Variants in SMYD3 observed in about 807,000 individuals in gnomAD.
SMYD3 encodes the protein histone-lysine N-methyltransferase SMYD3.
SMYD3 carries 36 observed loss-of-function variants against 57.7 expected under a neutral mutation model. The ratio of observed to expected loss-of-function variants is 0.62; its 90% CI spans 0.48 to 0.82. The LOEUF (loss-of-function observed/expected upper bound fraction) is 0.82, where lower values mean the gene tolerates loss of function less well. Among genes scored for constraint, SMYD3 ranks in the 40% least tolerant of loss-of-function variants. The probability of loss-of-function intolerance (pLI) is 0.00; values close to 1 mark genes in which losing one functional copy is unlikely to be tolerated. For synonymous variants in SMYD3, 211 were observed against 195.0 expected (o/e 1.08, Z -0.68); for missense variants, 515 against 538.8 (o/e 0.96, Z 0.44).
intron 5 of SMYD3, among the ~76,000 whole-genome samples, chr1:246,093,266 G>A (rs1428330944): frequency 1.3e-5 from 2 of 152,140 alleles, no homozygotes; most frequent in East Asian, 3.8e-4. Flanking sequence ...TCACAGGTGG[G>A]TATGTATCCA....
At chr1:246,300,894 T>G (rs1226798440) in intron 5 of SMYD3, among the ~76,000 whole-genome samples, 1 of 152,194 alleles carries the variant, frequency 6.6e-6, no homozygotes, top group African/African-American at 2.4e-5. Flanking sequence ...AAGTCTGGAT[T>G]TTATTGCAAG....
At chr1:246,041,871 T>C (rs535921856) in intron 5 of SMYD3, among the ~76,000 whole-genome samples, 67 of 152,236 alleles carry the variant, frequency 4.4e-4, no homozygotes, top group Non-Finnish European at 5.6e-4. Flanking sequence ...TTTGTATTCC[T>C]AGATGAAACT....
chr1:245,768,256 G>A (rs1044160834), intron 10 of SMYD3, among the ~76,000 whole-genome samples: 2 of 152,162 alleles, frequency 1.3e-5, no homozygotes, highest in Non-Finnish European at 2.9e-5. Context: ...GTGAATAAGT[G>A]CATAAGAAGA....
intron 10 of SMYD3, among the ~76,000 whole-genome samples, chr1:245,824,793 T>C (rs972389874): frequency 6.8e-6 from 1 of 147,786 alleles, no homozygotes; most frequent in Non-Finnish European, 1.5e-5. Flanking sequence ...GAGATGGAGG[T>C]TGCAGTGGGC....
intron 10 of SMYD3, among the ~76,000 whole-genome samples, chr1:245,769,381 A>C (rs1280804217): frequency 2.0e-5 from 3 of 152,210 alleles, no homozygotes; most frequent in South Asian, 2.1e-4. Context: ...GAATCTAACC[A>C]AGGCTGCAAA....
At chr1:246,377,473 GA>G (rs2066299194) in intron 1 of SMYD3, among the ~76,000 whole-genome samples, 2 of 151,198 alleles carry the variant, frequency 1.3e-5, no homozygotes, top group Admixed American at 6.6e-5. Flanking sequence ...GGGTTCAAGC[GA>G]TTCTCCTGCC....
At chr1:246,126,620 C>T (rs2061513610) in intron 5 of SMYD3, among the ~76,000 whole-genome samples, 2 of 152,218 alleles carry the variant, frequency 1.3e-5, no homozygotes, top group Admixed American at 1.3e-4. Flanking sequence ...AATCTACATA[C>T]ACAGATGTTA....
chr1:246,099,243 T>G (rs1239106737), intron 5 of SMYD3, among the ~76,000 whole-genome samples: 1 of 152,202 alleles, frequency 6.6e-6, no homozygotes, highest in African/African-American at 2.4e-5. Context: ...CGGCTGTGAA[T>G]AAACAGTTCT....
intron 5 of SMYD3, among the ~76,000 whole-genome samples, chr1:246,002,211 G>T (rs1298168508): frequency 1.3e-5 from 2 of 151,210 alleles, no homozygotes; most frequent in Non-Finnish European, 3.0e-5. Context: ...TTTAAATGGA[G>T]TCTCGCTCCG....
intron 1 of SMYD3, among the ~76,000 whole-genome samples, chr1:246,383,402 C>T (rs1041058130): frequency 6.6e-6 from 1 of 152,198 alleles, no homozygotes; most frequent in African/African-American, 2.4e-5. Flanking sequence ...ATTTGAGAGA[C>T]TGACTCCACC....
At chr1:246,112,178 G>A (rs1319992794) in intron 5 of SMYD3, among the ~76,000 whole-genome samples, 1 of 152,162 alleles carries the variant, frequency 6.6e-6, no homozygotes, top group Non-Finnish European at 1.5e-5. Context: ...AAAAGAGGAA[G>A]GCTGTATTGC....
chr1:246,391,296 C>A (rs2066560983), intron 1 of SMYD3, among the ~76,000 whole-genome samples: 1 of 150,684 alleles, frequency 6.6e-6, no homozygotes, highest in African/African-American at 2.4e-5. Context: ...AGGAGAACTG[C>A]TTGAGCCCAG....
chr1:245,762,506 G>C (rs1398492175), intron 11 of SMYD3, among the ~76,000 whole-genome samples: 1 of 152,170 alleles, frequency 6.6e-6, no homozygotes, highest in African/African-American at 2.4e-5. Context: ...TGGCTGACAA[G>C]TACCCCCAGA....
intron 5 of SMYD3, among the ~76,000 whole-genome samples, chr1:245,934,376 G>C (rs1208222744): frequency 6.6e-6 from 1 of 152,046 alleles, no homozygotes; most frequent in Non-Finnish European, 1.5e-5. Context: ...AGCACAATAA[G>C]AATTTTAATC....
At chr1:246,462,838 G>C (rs1313865017) in intron 1 of SMYD3, among the ~76,000 whole-genome samples, 3 of 151,990 alleles carry the variant, frequency 2.0e-5, no homozygotes, top group African/African-American at 7.3e-5. Context: ...CAATTTGCTG[G>C]TAAACAAAGC....
At position 246,249,395 on chromosome 1, in the gene SMYD3, T is replaced by A. The variant is rs549628492; in HGVS notation, c.531+77806A>T. ...CTGGGATTACAGGCATGAGCCACCG[T>A]ACCTGGCCTGATTATTGATACTCCA... On this transcript the variant is annotated intron_variant, in intron 5 of 11. Transcript: ENST00000490107. Among the ~76,000 whole-genome samples the A allele has an allele frequency of 5.9e-5, 9 of 152,280 alleles. 1 individual carries two copies. Among genetic ancestry groups the A allele is most frequent in the African/African-American group, 1.7e-4 (7 of 41,574 alleles).
chr1:245,927,587 A>G (rs1449872321), intron 7 of SMYD3, among the ~76,000 whole-genome samples: 1 of 152,112 alleles, frequency 6.6e-6, no homozygotes, highest in Non-Finnish European at 1.5e-5. Context: ...AGGATATGAG[A>G]GGCTGCTCAG....
intron 5 of SMYD3, among the ~76,000 whole-genome samples, chr1:246,178,613 A>G (rs930946088): frequency 6.6e-6 from 1 of 152,180 alleles, no homozygotes; most frequent in African/African-American, 2.4e-5. Context: ...AAACAGGCAC[A>G]CCCACTCCAT....
At chr1:245,755,696 T>C (rs1490151360) in intron 11 of SMYD3, among the ~76,000 whole-genome samples, 1 of 152,208 alleles carries the variant, frequency 6.6e-6, no homozygotes, top group Non-Finnish European at 1.5e-5. Flanking sequence ...TTAATATTGA[T>C]ATAGCTACTC....
Sources: gnomAD v4.1 joint callset for allele counts (sites outside exome capture counted in the v4.1 genomes callset) on GRCh38, gnomAD v4.1.1 for gene constraint, MANE v1.5 for transcripts, NCBI Gene and HGNC (gene_info 2026-07-23, HGNC 2026-07-21) for gene names.